LHPP: variants seen among roughly 807,000 people sequenced by gnomAD.
LHPP encodes the protein phospholysine phosphohistidine inorganic pyrophosphate phosphatase.
LHPP carries 24 observed loss-of-function variants against 30.3 expected under a neutral mutation model. The observed-to-expected ratio is 0.79, with a 90% CI of 0.57 to 1.11. The LOEUF is 1.11. LHPP is among the 50% of genes most tolerant of loss of function. The pLI is 0.00. For synonymous variants in LHPP, 150 were observed against 157.1 expected, an observed-to-expected ratio of 0.95 and a Z score of 0.34; for missense variants, 356 against 367.2, an observed-to-expected ratio of 0.97 and a Z score of 0.25.
intron 6 of LHPP, among the ~76,000 whole-genome samples, chr10:124,554,360 G>A (rs1040370134): frequency 6.6e-6 from 1 of 152,076 alleles, no homozygotes; most frequent in African/African-American, 2.4e-5. Context: ...CCACCACACC[G>A]GCTAGTTTTT....
chr10:124,613,108 G>C (rs573584768), intron 6 of LHPP, among the ~76,000 whole-genome samples, 156 bp from the exon 7 acceptor site: 86 of 152,238 alleles, frequency 5.6e-4, no homozygotes, highest in African/African-American at 2.0e-3. Flanking sequence ...GCAGGGGGAG[G>C]AGGGGGATGG....
chr10:124,503,369 A>T (rs564966339), intron 5 of LHPP, among the ~76,000 whole-genome samples: 6 of 151,928 alleles, frequency 3.9e-5, no homozygotes, highest in Non-Finnish European at 8.8e-5. Context: ...TCCGGCCTTC[A>T]TTGGTGTATT....
At chr10:124,463,617 C>T (rs1356978248) in intron 1 of LHPP, among the ~76,000 whole-genome samples, 1 of 152,126 alleles carries the variant, frequency 6.6e-6, no homozygotes, top group East Asian at 1.9e-4. Flanking sequence ...CCTGCCTGGG[C>T]CTTCTAAAGT....
At chr10:124,542,236 G>A (rs1955212963) in intron 6 of LHPP, among the ~76,000 whole-genome samples, 1 of 152,218 alleles carries the variant, frequency 6.6e-6, no homozygotes, top group Non-Finnish European at 1.5e-5. Flanking sequence ...GGCTTGCACA[G>A]ATCGGACTGT....
At chr10:124,539,195 CT>C (rs1317256844) in intron 6 of LHPP, among the ~76,000 whole-genome samples, 2 of 152,154 alleles carry the variant, frequency 1.3e-5, no homozygotes, top group Non-Finnish European at 2.9e-5. Flanking sequence ...GTCCTGAGCT[CT>C]CCAGGGTGTG....
chr10:124,602,038 G>C (rs1196118811), intron 6 of LHPP, among the ~76,000 whole-genome samples: 2 of 152,216 alleles, frequency 1.3e-5, no homozygotes, highest in Admixed American at 1.3e-4. Flanking sequence ...CTCCATCCGG[G>C]GGTGGGTGGG....
chr10:124,597,237 G>C lies in LHPP; in HGVS notation c.717-16027G>C, dbSNP rs550064312. 5.3e-5 allele frequency among the ~76,000 whole-genome samples: 8 copies of C among 152,298 alleles called. No individual in the cohort carries two copies. In the East Asian group the frequency reaches 1.5e-3, roughly 29 times the overall value. ...TACGGTCTGTCGTGGGACCCGCCTA[G>C]TGATCGTGTGAGCCAGTTCTCCCTA... On this transcript the variant is annotated intron_variant, in intron 6 of 6. Transcript: ENST00000368842.
intron 6 of LHPP, among the ~76,000 whole-genome samples, chr10:124,564,186 C>T (rs11245292): frequency 0.17 from 25,872 of 151,038 alleles, 2,575 homozygotes; most frequent in East Asian, 0.33. Context: ...TGCAGTGGCG[C>T]GATCTTGGCT....
chr10:124,492,466 G>C (rs765108615), intron 3 of LHPP, among the ~76,000 whole-genome samples: 1 of 152,188 alleles, frequency 6.6e-6, no homozygotes, highest in Non-Finnish European at 1.5e-5. Flanking sequence ...CAGCAGAGTC[G>C]TAAGGCTGTG....
At chr10:124,545,615 C>T (rs372577214) in intron 6 of LHPP, among the ~76,000 whole-genome samples, 5 of 151,690 alleles carry the variant, frequency 3.3e-5, no homozygotes, top group Admixed American at 1.3e-4. Context: ...CCGAGCTCCA[C>T]GTGGGCATGA....
At chr10:124,506,698 C>T (rs75439591) in intron 5 of LHPP, among the ~76,000 whole-genome samples, 8 of 34,962 alleles carry the variant, frequency 2.3e-4, no homozygotes, top group Admixed American at 3.7e-4. Flanking sequence ...TTCAGGTTGG[C>T]GGGTAGGGAA....
At chr10:124,601,247 C>G (rs908616301) in intron 6 of LHPP, among the ~76,000 whole-genome samples, 2 of 152,198 alleles carry the variant, frequency 1.3e-5, no homozygotes, top group Non-Finnish European at 2.9e-5. Context: ...CGCCTTGCCC[C>G]TTTCAAGGAA....
In LHPP at chr10:124,461,961, C is replaced by T; in HGVS notation, c.99C>T (p.Ile33=). Residue 33 remains isoleucine (I), a synonymous_variant, in exon 1 of 7, where the codon ATC becomes ATT. Transcript: ENST00000368842. ...YDSGAGGGTA[I]AGSVEAVARL... is the part of the protein sequence containing the mutation. ...GCGGCGCGGGCGGCGGCACGGCCAT[C>T]GCCGGCTCGGTGGAGGCGGTGGCCA... 8.2e-7 allele frequency: 1 copy of T among 1,226,320 alleles called. No individual in the cohort carries two copies. The allele number at this position is 1,226,320 out of a possible 1,614,324, so 76.0% of individuals were successfully genotyped here.
chr10:124,533,650 G>T (rs1954950473), intron 6 of LHPP, among the ~76,000 whole-genome samples: 1 of 152,252 alleles, frequency 6.6e-6, no homozygotes, highest in South Asian at 2.1e-4. Context: ...TTACCCCCGT[G>T]TGAGTGGACA....
In LHPP at chr10:124,480,979, C is replaced by T. The variant is rs145399264; in HGVS notation, c.126-3160C>T. On this transcript the variant is annotated intron_variant, in intron 1 of 6. Transcript: ENST00000368842. ...TTGGGGGTTATAAGGAGGCTGCAGG[C>T]TCAGGACACCCTCAGGGAAGTAGTG... Among the ~76,000 whole-genome samples, 770 of 152,250 alleles carry T rather than the reference C, an allele frequency of 5.1e-3. 4 individuals are homozygous for T. Among genetic ancestry groups the T allele is most frequent in the Middle Eastern group, 0.02 (6 of 294 alleles).
chr10:124,604,636 C>T (rs1310066057), intron 6 of LHPP, among the ~76,000 whole-genome samples: 1 of 152,146 alleles, frequency 6.6e-6, no homozygotes, highest in Non-Finnish European at 1.5e-5. Flanking sequence ...GAAGGATGCC[C>T]CTTGCCCGGC....
At position 124,498,569 on chromosome 10, in the gene LHPP, GA is replaced by G. The variant is rs1042269286; in HGVS notation, c.624+446del. 5.4e-6 allele frequency: 6 copies of G among 1,108,362 alleles called. No individual in the cohort carries two copies. The Admixed American group carries it at 1.1e-4, about 21-fold the overall frequency. The allele number at this position is 1,108,362 out of a possible 1,614,324, so 68.7% of individuals were successfully genotyped here. ...TTTCAAACTTCCAAATTTTAGAAAG[GA>G]AAAAGAATCGGTTATGATTTTATTG... On this transcript the variant is annotated intron_variant, in intron 5 of 6. Coordinates refer to ENST00000368842, the MANE Select transcript of LHPP (RefSeq NM_022126.4).
intron 6 of LHPP, among the ~76,000 whole-genome samples, chr10:124,521,598 A>G (rs1273875683): frequency 6.6e-6 from 1 of 151,698 alleles, no homozygotes; most frequent in East Asian, 2.0e-4. Context: ...AAGGGGGAGG[A>G]GGGGTGGCCT....
At chr10:124,533,313 C>T (rs1170890474) in intron 6 of LHPP, among the ~76,000 whole-genome samples, 3 of 152,232 alleles carry the variant, frequency 2.0e-5, no homozygotes, top group Non-Finnish European at 4.4e-5. Context: ...AAATGCACCC[C>T]CCAGAGCGGC....
Sources: gnomAD v4.1 joint callset for allele counts (sites outside exome capture counted in the v4.1 genomes callset) on GRCh38, gnomAD v4.1.1 for gene constraint, MANE v1.5 for transcripts, NCBI Gene and HGNC (gene_info 2026-07-23, HGNC 2026-07-21) for gene names.